The following PSD3 variants were observed in gnomAD, a reference collection of about 807,000 sequenced individuals.
PSD3 encodes the protein pleckstrin and Sec7 domain containing 3, also known as PH and SEC7 domain-containing protein 3.
Under a neutral mutation model 105.5 loss-of-function variants are expected in PSD3, and 49 were observed. That is an observed-to-expected ratio of 0.46 (90% CI 0.37 to 0.59). The LOEUF (loss-of-function observed/expected upper bound fraction) is 0.59. Among genes scored for constraint, PSD3 ranks in the 20% least tolerant of loss-of-function variants. The probability of loss-of-function intolerance (pLI) is 0.00; values close to 1 mark genes in which losing one functional copy is unlikely to be tolerated. For synonymous variants in PSD3, 557 were observed against 457.8 expected (o/e 1.22, Z -2.77); for missense variants, 1,561 against 1,263.8 (o/e 1.24, Z -3.57).
intron 11 of PSD3, among the ~76,000 whole-genome samples, chr8:18,614,614 C>G (rs953135754): frequency 6.6e-6 from 1 of 151,980 alleles, no homozygotes; most frequent in African/African-American, 2.4e-5. Context: ...AAAGAATGAA[C>G]ATTTGTGACA....
intron 1 of PSD3, among the ~76,000 whole-genome samples, chr8:18,960,118 G>A (rs1038567819): frequency 3.3e-5 from 5 of 152,118 alleles, no homozygotes; most frequent in African/African-American, 9.7e-5. Context: ...ATAATGTCTC[G>A]TATACTGATA....
chr8:18,809,760 G>A (rs909956431), intron 4 of PSD3, among the ~76,000 whole-genome samples: 3 of 151,790 alleles, frequency 2.0e-5, no homozygotes, highest in African/African-American at 4.8e-5. Flanking sequence ...TTTTTCACTT[G>A]TTTCTGCGAT....
intron 1 of PSD3, among the ~76,000 whole-genome samples, chr8:18,990,428 G>A (rs1190758192): frequency 2.6e-5 from 4 of 152,166 alleles, no homozygotes; most frequent in African/African-American, 7.2e-5. Flanking sequence ...TCTGCCCATG[G>A]CCATTGTGCT....
chr8:18,704,884 A>T (rs1241496790), intron 9 of PSD3, among the ~76,000 whole-genome samples: 1 of 152,196 alleles, frequency 6.6e-6, no homozygotes, highest in Non-Finnish European at 1.5e-5. Context: ...AAGGTTTTGG[A>T]GATCAACTAA....
At chr8:19,041,912 G>C (rs547401896) in intron 1 of PSD3, among the ~76,000 whole-genome samples, 124 of 152,206 alleles carry the variant, frequency 8.1e-4, no homozygotes, top group African/African-American at 3.0e-3. Context: ...ATTTGAAAAG[G>C]GGAGACAAGA....
chr8:18,710,825 G>A (rs990411934), intron 9 of PSD3, among the ~76,000 whole-genome samples: 19 of 152,176 alleles, frequency 1.2e-4, no homozygotes, highest in African/African-American at 3.9e-4. Flanking sequence ...GGGATTACAG[G>A]TGCCTGCCAC....
chr8:18,948,298 C>T (rs2129469877), intron 1 of PSD3, among the ~76,000 whole-genome samples: 2 of 152,284 alleles, frequency 1.3e-5, no homozygotes, highest in East Asian at 3.9e-4. Context: ...ACACATCTTA[C>T]TGGCTACAGA....
rs1799524097 is a variant in PSD3, at chr8:18,528,741, T to G, written c.*7002A>C. 1 of 152,648 alleles carries G rather than the reference T, an allele frequency of 6.6e-6. No individual in the cohort carries two copies. The highest frequency in any genetic ancestry group is 2.4e-5 in the African/African-American group (1 of 41,446). 9.5% of individuals were successfully genotyped at this position (152,648 alleles called of 1,614,324 possible). A position where few individuals can be genotyped will look rare whatever the true frequency, so the allele number is the denominator to read the frequency against. On this transcript the variant is annotated 3_prime_UTR_variant, in exon 16 of 16. Transcript: ENST00000327040. ...TTCTAGGAGCGCCTGAAGACTTATT[T>G]ATGGCGACCGATGGGAAAATATTAA... is the stretch of plus-strand genomic sequence containing the variant.
intron 9 of PSD3, among the ~76,000 whole-genome samples, chr8:18,741,694 G>A (rs1005947910): frequency 6.6e-6 from 1 of 151,324 alleles, no homozygotes; most frequent in Admixed American, 6.6e-5. Context: ...TCCTATCAGC[G>A]GCATGCTGCA....
chr8:19,005,808 T>C (rs754138158), intron 1 of PSD3, among the ~76,000 whole-genome samples: 21 of 151,872 alleles, frequency 1.4e-4, no homozygotes, highest in Non-Finnish European at 1.0e-4. Flanking sequence ...TTTGAAGTGA[T>C]GAATATGCTC....
intron 4 of PSD3, among the ~76,000 whole-genome samples, chr8:18,855,609 G>C (rs559485823): frequency 6.6e-6 from 1 of 152,280 alleles, no homozygotes; most frequent in South Asian, 2.1e-4. Context: ...GCCAGGCAAA[G>C]GCAACCTGCA....
chr8:18,753,427 G>A (rs1199750716), intron 9 of PSD3, among the ~76,000 whole-genome samples: 2 of 151,926 alleles, frequency 1.3e-5, no homozygotes, highest in Non-Finnish European at 2.9e-5. Context: ...TTGTGAAGAG[G>A]AAAGTTCATG....
intron 9 of PSD3, among the ~76,000 whole-genome samples, chr8:18,672,238 G>C (rs114792629): frequency 6.6e-6 from 1 of 151,808 alleles, no homozygotes; most frequent in East Asian, 1.9e-4. Context: ...CAAGAAAAAC[G>C]GTCAATTATA....
intron 9 of PSD3, among the ~76,000 whole-genome samples, chr8:18,710,371 G>A (rs1802177703): frequency 4.6e-5 from 7 of 152,110 alleles, no homozygotes; most frequent in Admixed American, 4.6e-4. Flanking sequence ...ACGACTGATT[G>A]GGGTACCTGA....
intron 9 of PSD3, among the ~76,000 whole-genome samples, chr8:18,675,564 G>C (rs1178347217): frequency 1.3e-5 from 2 of 152,056 alleles, no homozygotes; most frequent in East Asian, 3.9e-4. Flanking sequence ...TAGAGCCTCA[G>C]CCAGCCCGTT....
At chr8:18,707,633 T>C (rs574877666) in intron 9 of PSD3, among the ~76,000 whole-genome samples, 4 of 152,354 alleles carry the variant, frequency 2.6e-5, no homozygotes, top group Admixed American at 2.6e-4. Context: ...ATATGACTGA[T>C]AACACTCTTG....
Position 18,533,419 on chromosome 8 carries a change from C to T in PSD3, c.*2324G>A, listed in dbSNP as rs150773547. 2.7e-4 allele frequency: 41 copies of T among 152,270 alleles called. No individual in the cohort carries two copies. In the East Asian group the frequency reaches 6.7e-3, roughly 25 times the overall value. 9.4% of individuals were successfully genotyped at this position (152,270 alleles called of 1,614,324 possible). The stretch of plus-strand genomic sequence containing the variant: ...CCCTTCGTATCCAATGATCTATTAG[C>T]CTATCCAGAAGTCCCTGGAGTTAAT... On this transcript the variant is annotated 3_prime_UTR_variant, in exon 16 of 16. Coordinates refer to ENST00000327040, the MANE Select transcript of PSD3 (RefSeq NM_015310.4).
chr8:18,711,529 A>C (rs1246810836), intron 9 of PSD3, among the ~76,000 whole-genome samples: 1 of 152,200 alleles, frequency 6.6e-6, no homozygotes, highest in Non-Finnish European at 1.5e-5. Flanking sequence ...AAAAATACAA[A>C]GAAGTGCCTC....
At chr8:18,819,778 C>G (rs760800597) in intron 4 of PSD3, among the ~76,000 whole-genome samples, 1 of 151,956 alleles carries the variant, frequency 6.6e-6, no homozygotes, top group East Asian at 1.9e-4. Context: ...GGGGTTTCAC[C>G]GTGTTGGCCA....
Sources: gnomAD v4.1 joint callset for allele counts (sites outside exome capture counted in the v4.1 genomes callset) on GRCh38, gnomAD v4.1.1 for gene constraint, MANE v1.5 for transcripts, NCBI Gene and HGNC (gene_info 2026-07-23, HGNC 2026-07-21) for gene names.